CPE: variants seen among roughly 807,000 people sequenced by gnomAD.
The protein encoded by CPE is carbocypeptidase E.
A neutral mutation model predicts 53.5 loss-of-function variants in CPE; 17 were observed. The ratio of observed to expected loss-of-function variants is 0.32; its 90% CI spans 0.22 to 0.48. The LOEUF (loss-of-function observed/expected upper bound fraction) is 0.48. Ranked by LOEUF, CPE falls within the 20% of genes least tolerant of loss-of-function variation. The pLI is 0.99. For missense variants in CPE, 524 were observed against 614.7 expected, an observed-to-expected ratio of 0.85 and a Z score of 1.56; for synonymous variants, 226 against 228.8, an observed-to-expected ratio of 0.99 and a Z score of 0.11.
intron 1 of CPE, among the ~76,000 whole-genome samples, chr4:165,393,001 C>A (rs578221803): frequency 6.6e-6 from 1 of 151,080 alleles, no homozygotes; most frequent in South Asian, 2.1e-4. Flanking sequence ...TAATGCTTTT[C>A]CTCCCTAGGT....
intron 2 of CPE, among the ~76,000 whole-genome samples, chr4:165,466,853 C>T (rs1208407353): frequency 6.6e-6 from 1 of 152,144 alleles, no homozygotes; most frequent in Non-Finnish European, 1.5e-5. Context: ...AACTTTTAAA[C>T]TTTAAAAACC....
chr4:165,417,616 GA>G (rs1731147111), intron 1 of CPE, among the ~76,000 whole-genome samples: 1 of 150,586 alleles, frequency 6.6e-6, no homozygotes, highest in Non-Finnish European at 1.5e-5. Context: ...ATTTCATTTA[GA>G]ACTATGATTT....
At chr4:165,447,852 G>C (rs1438186733) in intron 1 of CPE, among the ~76,000 whole-genome samples, 1 of 151,932 alleles carries the variant, frequency 6.6e-6, no homozygotes, top group African/African-American at 2.4e-5. Flanking sequence ...CAAACACACA[G>C]ATTAACCTAG....
chr4:165,434,930 C>T (rs1731471413), intron 1 of CPE, among the ~76,000 whole-genome samples: 1 of 152,048 alleles, frequency 6.6e-6, no homozygotes, highest in Non-Finnish European at 1.5e-5. Flanking sequence ...TCTTAGTCCC[C>T]TCAAAACCTG....
At chr4:165,453,512 G>A (rs996319583) in intron 1 of CPE, among the ~76,000 whole-genome samples, 3 of 151,996 alleles carry the variant, frequency 2.0e-5, no homozygotes, top group South Asian at 2.1e-4. Context: ...AGGCTCCTGA[G>A]TAGCTGGAAC....
At chr4:165,485,487 T>TTATTTA (rs1220344117) in intron 5 of CPE, among the ~76,000 whole-genome samples, 4 of 152,198 alleles carry the variant, frequency 2.6e-5, no homozygotes, top group Non-Finnish European at 5.9e-5. Flanking sequence ...AATTCTGTTT[T>TTATTTA]TATTTATATT....
chr4:165,428,228 C>A, intron 1 of CPE, among the ~76,000 whole-genome samples: 1 of 152,008 alleles, frequency 6.6e-6, no homozygotes, highest in East Asian at 1.9e-4. Context: ...AATTTTTAAA[C>A]TTTTTTCATT....
intron 3 of CPE, among the ~76,000 whole-genome samples, 169 bp downstream of exon 3, chr4:165,468,024 G>A (rs922233265): frequency 1.3e-5 from 2 of 152,092 alleles, no homozygotes; most frequent in Non-Finnish European, 2.9e-5. Context: ...ATTTGTCCTG[G>A]CCCCTAGAAT....
chr4:165,488,062 GTAA>G (rs202161089), intron 6 of CPE, among the ~76,000 whole-genome samples: 3 of 152,024 alleles, frequency 2.0e-5, no homozygotes, highest in African/African-American at 4.8e-5. Context: ...TGCATCACAG[GTAA>G]TAATAATAAT....
chr4:165,464,649 T>TACA, intron 2 of CPE, 63 bp downstream of exon 2: 1 of 1,367,996 alleles, frequency 7.3e-7, no homozygotes, highest in Non-Finnish European at 9.8e-7. Context: ...TGTACATACA[T>TACA]GTTTATCTAA....
intron 1 of CPE, among the ~76,000 whole-genome samples, chr4:165,447,580 A>AAAAG (rs1553975425): frequency 1.3e-4 from 19 of 151,704 alleles, no homozygotes; most frequent in African/African-American, 2.7e-4. Flanking sequence ...TTAAAAAAAA[A>AAAAG]AAAAGAAAAG....
rs748041554 is a variant in CPE, at chr4:165,495,803, CAACTT to C, written c.1332+130_1332+134del. The C allele has an allele frequency of 8.3e-5, 44 of 528,068 alleles. No homozygotes were observed. In the Admixed American group the frequency reaches 8.7e-4, roughly 10 times the overall value. 32.7% of individuals were successfully genotyped at this position (528,068 alleles called of 1,614,324 possible). A position where few individuals can be genotyped will look rare whatever the true frequency, so the allele number is the denominator to read the frequency against. ...TATGAGGTAGGCAACATTGTTATCT[CAACTT>C]AACAGATGAGAAAACTGAGGCTTAG... On this transcript the variant is annotated intron_variant, in intron 8 of 8. Coordinates refer to ENST00000402744, the MANE Select transcript of CPE (RefSeq NM_001873.4).
intron 6 of CPE, among the ~76,000 whole-genome samples, chr4:165,487,815 C>T (rs971748189): frequency 2.6e-5 from 4 of 152,026 alleles, no homozygotes; most frequent in African/African-American, 9.7e-5. Flanking sequence ...CGTAGACTCT[C>T]GTTTCTGTTT....
intron 1 of CPE, among the ~76,000 whole-genome samples, chr4:165,400,957 G>A (rs1730856533): frequency 1.3e-5 from 2 of 152,068 alleles, no homozygotes; most frequent in Non-Finnish European, 2.9e-5. Flanking sequence ...CCTCAAAACT[G>A]TCCTAGTTTG....
At chr4:165,404,663 C>T in intron 1 of CPE, 1 of 1,044,792 alleles carries the variant, frequency 9.6e-7, no homozygotes, top group Non-Finnish European at 1.5e-6. Context: ...TGGGTCAACT[C>T]CTTCCTGGAG....
At chr4:165,442,033 TTTGTTTTTTTTTTG>T (rs1289317363) in intron 1 of CPE, among the ~76,000 whole-genome samples, 11 of 105,192 alleles carry the variant, frequency 1.0e-4, no homozygotes, top group African/African-American at 3.6e-4. Context: ...GTTTTTTTTT[TTTGTTTTTTTTTTG>T]TTTTTTTTTT....
intron 8 of CPE, among the ~76,000 whole-genome samples, 181 bp downstream of exon 8, chr4:165,495,858 C>T (rs1732697764): frequency 6.6e-6 from 1 of 152,044 alleles, no homozygotes; most frequent in African/African-American, 2.4e-5. Context: ...AGCTCTATTA[C>T]CATTTCTCAG....
intron 1 of CPE, among the ~76,000 whole-genome samples, chr4:165,456,829 C>T (rs1444650008): frequency 6.6e-6 from 1 of 151,398 alleles, no homozygotes; most frequent in East Asian, 1.9e-4. Context: ...GCAACCTCCA[C>T]CTCCCAGGTT....
intron 3 of CPE, among the ~76,000 whole-genome samples, chr4:165,479,440 G>T (rs760466778): frequency 3.9e-5 from 6 of 152,168 alleles, no homozygotes; most frequent in Non-Finnish European, 8.8e-5. Context: ...ACTTTCGTAA[G>T]GATGTAATAC....
Sources: gnomAD v4.1 joint callset for allele counts (sites outside exome capture counted in the v4.1 genomes callset) on GRCh38, gnomAD v4.1.1 for gene constraint, MANE v1.5 for transcripts, NCBI Gene and HGNC (gene_info 2026-07-23, HGNC 2026-07-21) for gene names.